Variants in UPP2 observed in about 807,000 individuals in gnomAD.
The protein encoded by UPP2 is UPase 2.
In UPP2, 23 loss-of-function variants were observed where a neutral mutation model predicts 26.7. The ratio of observed to expected loss-of-function variants is 0.86; its 90% CI spans 0.62 to 1.22. UPP2 has a LOEUF of 1.22. Among genes scored for constraint, UPP2 ranks in the 50% most tolerant of loss-of-function variants. The probability of loss-of-function intolerance (pLI) is 0.00; values close to 1 mark genes in which losing one functional copy is unlikely to be tolerated. For synonymous variants in UPP2, 127 were observed against 141.3 expected (o/e 0.90, Z 0.72); for missense variants, 387 against 396.7 (o/e 0.98, Z 0.21).
chr2:158,092,287 G>T (rs774856417), intron 3 of UPP2, among the ~76,000 whole-genome samples: 5 of 152,078 alleles, frequency 3.3e-5, no homozygotes, highest in Non-Finnish European at 7.4e-5. Flanking sequence ...TTCTAAAAAA[G>T]TCACACCTAA....
chr2:158,102,243 A>C (rs1033499814), intron 1 of UPP2, 118 bp downstream of exon 1: 3 of 985,240 alleles, frequency 3.0e-6, no homozygotes, highest in Non-Finnish European at 1.4e-6. Flanking sequence ...TGTAGAGATT[A>C]TATCACTGGA....
chr2:158,083,560 T>TG (rs1392521393), intron 3 of UPP2, among the ~76,000 whole-genome samples: 1 of 151,124 alleles, frequency 6.6e-6, no homozygotes, highest in Admixed American at 6.6e-5. Flanking sequence ...CGTTGGGGGA[T>TG]GGGGGGTTAG....
intron 3 of UPP2, among the ~76,000 whole-genome samples, chr2:158,083,497 T>C (rs747641775): frequency 6.6e-6 from 1 of 151,462 alleles, no homozygotes; most frequent in African/African-American, 2.4e-5. Flanking sequence ...TAAGTGGGAG[T>C]TGAACAGTGA....
intron 2 of UPP2, among the ~76,000 whole-genome samples, chr2:158,000,630 T>C (rs1683390588): frequency 6.6e-6 from 1 of 152,228 alleles, no homozygotes. Context: ...ATCATCCTTC[T>C]AGTCTTTCCC....
At chr2:158,124,384 A>G (rs1574309226) in intron 6 of UPP2, among the ~76,000 whole-genome samples, 1 of 152,162 alleles carries the variant, frequency 6.6e-6, no homozygotes, top group East Asian at 1.9e-4. Context: ...AACAGGGAAG[A>G]GATCAGGAGG....
chr2:158,134,631 A>G (rs1356426252), intron 6 of UPP2, 117 bp from the exon 7 acceptor site: 1 of 1,293,228 alleles, frequency 7.7e-7, no homozygotes, highest in East Asian at 2.8e-5. Flanking sequence ...ACATTACAAC[A>G]ACAACAACAA....
chr2:158,055,125 G>C (rs980025807), intron 3 of UPP2, among the ~76,000 whole-genome samples: 1 of 152,182 alleles, frequency 6.6e-6, no homozygotes, highest in African/African-American at 2.4e-5. Flanking sequence ...TCTGGAGGCC[G>C]GAAAGTCCAA....
intron 2 of UPP2, among the ~76,000 whole-genome samples, chr2:158,108,402 T>A (rs1300347352): frequency 6.6e-6 from 1 of 152,062 alleles, no homozygotes; most frequent in Admixed American, 6.6e-5. Context: ...GTTTCTCCGA[T>A]AAAAAAATAA....
At position 158,002,040 on chromosome 2, in the gene UPP2, C is replaced by T. The variant is rs1004251820; in HGVS notation, c.61+6781C>T. On this transcript the variant is annotated intron_variant, in intron 2 of 9. Coordinates refer to the UPP2 transcript ENST00000605860. ...AAGGTACTCATATGGAAGGAGGCTA[C>T]GGGGGCGGGGGCTTCACAGATTCAC... Among the ~76,000 whole-genome samples, 13 of 149,090 alleles carry T rather than the reference C, an allele frequency of 8.7e-5. 1 individual carries two copies. The South Asian group carries it at 2.4e-3, about 27-fold the overall frequency.
chr2:158,074,312 T>G (rs1262519559), intron 3 of UPP2, among the ~76,000 whole-genome samples: 1 of 152,216 alleles, frequency 6.6e-6, no homozygotes, highest in Non-Finnish European at 1.5e-5. Flanking sequence ...TTACTATTCT[T>G]AAGTAGAAAG....
intron 5 of UPP2, among the ~76,000 whole-genome samples, chr2:158,122,813 C>G (rs552209937): frequency 2.0e-5 from 3 of 152,144 alleles, no homozygotes; most frequent in Non-Finnish European, 4.4e-5. Context: ...ACCAGACACT[C>G]GCATCGACAT....
At chr2:158,113,523 G>C (rs1198546401) in intron 2 of UPP2, among the ~76,000 whole-genome samples, 1 of 152,174 alleles carries the variant, frequency 6.6e-6, no homozygotes, top group Non-Finnish European at 1.5e-5. Context: ...AGAAGGCAGA[G>C]AAAAGACAAT....
chr2:158,086,713 A>C (rs2105199023), intron 3 of UPP2, among the ~76,000 whole-genome samples: 2 of 152,240 alleles, frequency 1.3e-5, no homozygotes, highest in South Asian at 4.1e-4. Flanking sequence ...CAGTTCAAAG[A>C]ATTTTTTAAT....
At chr2:158,040,348 A>G (rs1212635303) in intron 3 of UPP2, among the ~76,000 whole-genome samples, 1 of 152,228 alleles carries the variant, frequency 6.6e-6, no homozygotes. Context: ...CTGGATAGAT[A>G]TCTAGATTTT....
intron 3 of UPP2, among the ~76,000 whole-genome samples, chr2:158,040,375 A>G (rs1012648722): frequency 1.3e-5 from 2 of 152,228 alleles, no homozygotes; most frequent in East Asian, 3.8e-4. Context: ...TACATCTAGC[A>G]TTACCAAAGC....
intron 2 of UPP2, among the ~76,000 whole-genome samples, chr2:158,005,459 A>G (rs1015816076): frequency 6.6e-6 from 1 of 152,206 alleles, no homozygotes; most frequent in African/African-American, 2.4e-5. Flanking sequence ...GAAAGCCAGG[A>G]GAGGAAGAGG....
At chr2:158,100,285 A>C (rs908594151), upstream of UPP2, among the ~76,000 whole-genome samples, 5 of 152,218 alleles carry the variant, frequency 3.3e-5, no homozygotes, top group African/African-American at 1.2e-4. Context: ...CTTAGATGGC[A>C]TTACCTGGCA....
chr2:158,040,492 C>T (rs1431883866), intron 3 of UPP2, among the ~76,000 whole-genome samples: 1 of 152,210 alleles, frequency 6.6e-6, no homozygotes, highest in African/African-American at 2.4e-5. Flanking sequence ...AGGTTTTCAA[C>T]ATCTGAGTGC....
intron 2 of UPP2, among the ~76,000 whole-genome samples, chr2:158,106,808 A>G (rs549000527): frequency 3.4e-4 from 52 of 152,326 alleles, no homozygotes; most frequent in South Asian, 6.2e-4. Context: ...AGGGAATACA[A>G]AAAAGAATAT....
Sources: gnomAD v4.1 joint callset for allele counts (sites outside exome capture counted in the v4.1 genomes callset) on GRCh38, gnomAD v4.1.1 for gene constraint, MANE v1.5 for transcripts, NCBI Gene and HGNC (gene_info 2026-07-23, HGNC 2026-07-21) for gene names.